The following CTBP2 variants were observed in gnomAD, a reference collection of about 807,000 sequenced individuals.
The protein encoded by CTBP2 is C-terminal binding protein 2.
A neutral mutation model predicts 80.3 loss-of-function variants in CTBP2; 30 were observed. The ratio of observed to expected loss-of-function variants is 0.37; its 90% CI spans 0.28 to 0.51. CTBP2 has a LOEUF of 0.51. CTBP2 is among the 20% of genes least tolerant of loss of function. CTBP2 has a pLI of 0.93. For synonymous variants in CTBP2, 594 were observed against 587.4 expected, an observed-to-expected ratio of 1.01 and a Z score of -0.16; for missense variants, 1,212 against 1,375.3, an observed-to-expected ratio of 0.88 and a Z score of 1.88.
chr10:125,002,894 G>C (rs1256089150), intron 3 of CTBP2, 66 bp downstream of exon 5: 2 of 1,581,056 alleles, frequency 1.3e-6, no homozygotes, highest in Non-Finnish European at 8.6e-7. Context: ...GCTTCTCCAA[G>C]CCCACCCGAG....
intron 3 of CTBP2, among the ~76,000 whole-genome samples, chr10:125,033,825 G>A (rs1293230001): frequency 6.6e-6 from 1 of 152,114 alleles, no homozygotes; most frequent in Admixed American, 6.5e-5. Context: ...CTGGGCCCAG[G>A]GGCTCCGGGC....
chr10:125,026,626 C>G lies in CTBP2; in HGVS notation c.1134G>C (p.Leu378=). The G allele has an allele frequency of 6.7e-7, 1 of 1,493,678 alleles. No individual in the cohort carries two copies. Among genetic ancestry groups the G allele is most frequent in the Non-Finnish European group, 9.1e-7 (1 of 1,094,490 alleles). 92.5% of individuals were successfully genotyped at this position (1,493,678 alleles called of 1,614,324 possible). Residue 378 remains leucine (L), a synonymous_variant, in exon 1 of 9, where the codon CTG becomes CTC. Transcript: ENST00000309035. ...CCAGAGAAGCCAAGTCACCATGGAG[C>G]AGTTCGCTTCGGTGGCTGAAGCTGC... is the stretch of plus-strand genomic sequence containing the variant.
intron 1 of CTBP2, among the ~76,000 whole-genome samples, chr10:125,021,180 C>T (rs372908790): frequency 3.9e-4 from 60 of 152,172 alleles, no homozygotes; most frequent in Non-Finnish European, 4.9e-4. Flanking sequence ...GGGTCAACCA[C>T]GACAAGAAAA....
intron 1 of CTBP2, among the ~76,000 whole-genome samples, chr10:125,013,714 C>G (rs1295524206): frequency 6.6e-6 from 1 of 152,190 alleles, no homozygotes; most frequent in East Asian, 1.9e-4. Flanking sequence ...CGGGGTCACA[C>G]AGCAAGTAAG....
intron 2 of CTBP2, among the ~76,000 whole-genome samples, chr10:125,042,706 G>A (rs985882680): frequency 6.6e-6 from 1 of 151,566 alleles, no homozygotes; most frequent in Non-Finnish European, 1.5e-5. Context: ...CACTCGGTGG[G>A]AGCCTGCAGG....
intron 1 of CTBP2, among the ~76,000 whole-genome samples, chr10:125,144,075 T>C (rs1228085466): frequency 6.6e-6 from 1 of 152,176 alleles, no homozygotes; most frequent in Non-Finnish European, 1.5e-5. Context: ...AGACCCCAGT[T>C]ACAAACCTCA....
intron 1 of CTBP2, among the ~76,000 whole-genome samples, chr10:125,019,923 G>C (rs1956878979): frequency 6.6e-6 from 1 of 151,966 alleles, no homozygotes. Flanking sequence ...CATGACCCAG[G>C]AAGACCCTCA....
chr10:125,106,892 C>A (rs377560261), intron 2 of CTBP2, among the ~76,000 whole-genome samples: 10 of 152,250 alleles, frequency 6.6e-5, no homozygotes, highest in African/African-American at 2.2e-4. Context: ...GAATGGAGGG[C>A]GTGACCCCTG....
chr10:125,127,263 C>T (rs1855437649), intron 1 of CTBP2, among the ~76,000 whole-genome samples: 1 of 152,164 alleles, frequency 6.6e-6, no homozygotes, highest in African/African-American at 2.4e-5. Context: ...ACTGCCTCAC[C>T]CCTTGCAGTG....
chr10:124,994,484 G>C lies in CTBP2; in HGVS notation c.2385C>G (p.Asp795Glu), dbSNP rs1234291902. 6.2e-7 allele frequency: 1 copy of C among 1,613,966 alleles called. No individual in the cohort carries two copies. The highest frequency in any genetic ancestry group is 1.1e-5 in the South Asian group (1 of 91,072). Residue 795 changes from aspartate to glutamate, a missense_variant, in exon 5 of 9, where the codon GAC (aspartate) becomes GAG (glutamate). Transcript: ENST00000309035. The stretch of plus-strand genomic sequence containing the variant: ...TTCAAATTACCTGCTTTATGGTAAA[G>C]TCATTGATGAGGTGGTGGTTATGTT...
At chr10:125,005,977 G>T (rs756584218) in intron 1 of CTBP2, 3 of 1,463,284 alleles carry the variant, frequency 2.1e-6, no homozygotes, top group East Asian at 4.8e-5. Context: ...ATCCAGAGCC[G>T]CTGATGCGTC....
At chr10:125,076,592 G>A (rs548332181) in intron 2 of CTBP2, among the ~76,000 whole-genome samples, 16 of 152,228 alleles carry the variant, frequency 1.1e-4, no homozygotes, top group Admixed American at 7.8e-4. Context: ...GAGGCAGCGC[G>A]CCTCTCCACG....
At chr10:125,098,686 GA>G in intron 2 of CTBP2, among the ~76,000 whole-genome samples, 1 of 137,330 alleles carries the variant, frequency 7.3e-6, no homozygotes, top group Non-Finnish European at 1.6e-5. Flanking sequence ...GAGAGAGAGA[GA>G]GAGAGAGAGA....
At chr10:125,050,319 C>T (rs1167078688) in intron 2 of CTBP2, among the ~76,000 whole-genome samples, 1 of 152,250 alleles carries the variant, frequency 6.6e-6, no homozygotes, top group African/African-American at 2.4e-5. Context: ...TTCAAAGACA[C>T]CGCTTCCCAG....
At chr10:125,084,252 C>CA (rs1315631166) in intron 2 of CTBP2, among the ~76,000 whole-genome samples, 2 of 152,206 alleles carry the variant, frequency 1.3e-5, no homozygotes, top group African/African-American at 4.8e-5. Context: ...ACTGTGAGCC[C>CA]AGCCGGCTGC....
chr10:125,080,515 C>T (rs1373784455), intron 2 of CTBP2, among the ~76,000 whole-genome samples: 1 of 152,206 alleles, frequency 6.6e-6, no homozygotes, highest in Non-Finnish European at 1.5e-5. Context: ...GGAGGGCTGC[C>T]ACCTGTGCCA....
At chr10:125,043,480 A>T (rs192159423) in intron 2 of CTBP2, among the ~76,000 whole-genome samples, 1 of 152,054 alleles carries the variant, frequency 6.6e-6, no homozygotes, top group Non-Finnish European at 1.5e-5. Flanking sequence ...TCTGTCGCCC[A>T]GGCTGGAGTG....
chr10:125,086,985 A>G (rs1380216598), intron 2 of CTBP2, among the ~76,000 whole-genome samples: 1 of 151,950 alleles, frequency 6.6e-6, no homozygotes, highest in Non-Finnish European at 1.5e-5. Context: ...CTCTGAATGG[A>G]TGGATGACTG....
In CTBP2 at chr10:124,984,980, T is replaced by G; in HGVS notation, c.*4538A>C. 6.2e-7 allele frequency: 1 copy of G among 1,607,122 alleles called. No homozygotes were observed. The highest frequency in any genetic ancestry group is 2.2e-5 in the East Asian group (1 of 44,752). On this transcript the variant is annotated 3_prime_UTR_variant, in exon 9 of 9. Transcript: ENST00000309035. ...CTGATGGAGAGGAAGATGAGGATGATGAAGATGAATGAAAAAAAAAATCAA... is the reference window on the plus strand; with the variant it reads ...CTGATGGAGAGGAAGATGAGGATGAGGAAGATGAATGAAAAAAAAAATCAA...
Sources: allele counts gnomAD v4.1 joint callset (sites outside exome capture counted in the v4.1 genomes callset), GRCh38; gene constraint gnomAD v4.1.1; transcripts MANE v1.5; gene names NCBI Gene and HGNC (gene_info 2026-07-23, HGNC 2026-07-21).